The following NPAS3 variants were observed in gnomAD, a reference collection of about 807,000 sequenced individuals.
NPAS3 encodes neuronal PAS domain protein 3.
A neutral mutation model predicts 73.1 loss-of-function variants in NPAS3; 14 were observed. The ratio of observed to expected loss-of-function variants is 0.19; its 90% confidence interval spans 0.13 to 0.30. The LOEUF is 0.30. Ranked by LOEUF, NPAS3 falls within the 10% of genes least tolerant of loss-of-function variation. NPAS3 has a pLI of 1.00. For synonymous variants in NPAS3, 620 were observed against 541.5 expected, an observed-to-expected ratio of 1.14 and a Z score of -2.01; for missense variants, 1,096 against 1,250.0, an observed-to-expected ratio of 0.88 and a Z score of 1.86.
chr14:33,125,257 G>A (rs1041502445), intron 2 of NPAS3, among the ~76,000 whole-genome samples: 29 of 152,076 alleles, frequency 1.9e-4, no homozygotes, highest in African/African-American at 6.3e-4. Context: ...AGCACTAGAA[G>A]GAAGTAGGTC....
At chr14:33,303,447 A>C (rs1370844817) in intron 3 of NPAS3, among the ~76,000 whole-genome samples, 2 of 152,158 alleles carry the variant, frequency 1.3e-5, no homozygotes, top group African/African-American at 4.8e-5. Flanking sequence ...AAAAAAATCA[A>C]AGTTCAGCCA....
At chr14:33,431,140 C>G (rs1379783259) in intron 4 of NPAS3, among the ~76,000 whole-genome samples, 1 of 152,096 alleles carries the variant, frequency 6.6e-6, no homozygotes, top group East Asian at 1.9e-4. Context: ...GAGATGATAC[C>G]GTGTTGGTTG....
intron 5 of NPAS3, among the ~76,000 whole-genome samples, chr14:33,624,760 G>A (rs1410155168): frequency 6.6e-6 from 1 of 152,130 alleles, no homozygotes; most frequent in Non-Finnish European, 1.5e-5. Flanking sequence ...AAAGCAGTCA[G>A]AGCAGCAAAG....
chr14:33,412,327 C>T (rs558874636), intron 4 of NPAS3, among the ~76,000 whole-genome samples: 1 of 152,148 alleles, frequency 6.6e-6, no homozygotes, highest in African/African-American at 2.4e-5. Flanking sequence ...ACCATGTTGC[C>T]CAGGCTGGTC....
At chr14:33,181,049 G>A (rs2045780830) in intron 2 of NPAS3, among the ~76,000 whole-genome samples, 1 of 152,106 alleles carries the variant, frequency 6.6e-6, no homozygotes. Context: ...TGATGTTACT[G>A]CTTCAATTTT....
At chr14:33,722,399 A>G (rs1296188122) in intron 6 of NPAS3, among the ~76,000 whole-genome samples, 2 of 152,220 alleles carry the variant, frequency 1.3e-5, no homozygotes, top group East Asian at 1.9e-4. Context: ...TGCAAGCTAT[A>G]TAAATGGATT....
At chr14:33,476,575 C>A (rs56311531) in intron 4 of NPAS3, among the ~76,000 whole-genome samples, 24,813 of 152,128 alleles carry the variant, frequency 0.16, 2,380 homozygotes, top group African/African-American at 0.27. Flanking sequence ...ATTTAGTATT[C>A]CCCAATTTAA....
At chr14:33,789,583 CTTTTTTT>C (rs10567527) in intron 9 of NPAS3, among the ~76,000 whole-genome samples, 58 of 92,412 alleles carry the variant, frequency 6.3e-4, no homozygotes, top group African/African-American at 1.9e-3. Context: ...TAGAGTACAA[CTTTTTTT>C]TTTTTTTTTT....
At chr14:33,554,700 C>T (rs968253527) in intron 4 of NPAS3, among the ~76,000 whole-genome samples, 2 of 152,188 alleles carry the variant, frequency 1.3e-5, no homozygotes, top group Non-Finnish European at 2.9e-5. Flanking sequence ...AGAGTGCTTA[C>T]ATACTCAAAA....
chr14:33,665,701 T>A (rs2059433287), intron 5 of NPAS3, among the ~76,000 whole-genome samples: 1 of 152,218 alleles, frequency 6.6e-6, no homozygotes, highest in Non-Finnish European at 1.5e-5. Context: ...AAGTTGACAT[T>A]CAAACCCACT....
chr14:33,246,867 A>T (rs1027089730), intron 3 of NPAS3, among the ~76,000 whole-genome samples: 1 of 134,366 alleles, frequency 7.4e-6, no homozygotes, highest in Non-Finnish European at 1.6e-5. Flanking sequence ...AAAAAAAAAA[A>T]GCTGGGCATG....
At chr14:33,370,195 G>T (rs1444876727) in intron 4 of NPAS3, among the ~76,000 whole-genome samples, 1 of 152,178 alleles carries the variant, frequency 6.6e-6, no homozygotes, top group African/African-American at 2.4e-5. Context: ...TTCAGGGAAA[G>T]AGGAACTAGG....
chr14:33,066,002 C>T (rs2041265460), intron 2 of NPAS3, among the ~76,000 whole-genome samples: 1 of 152,034 alleles, frequency 6.6e-6, no homozygotes, highest in South Asian at 2.1e-4. Context: ...ACAAAGCATC[C>T]TGTCCTGTGT....
intron 4 of NPAS3, among the ~76,000 whole-genome samples, chr14:33,439,360 A>C (rs1014892232): frequency 3.3e-5 from 5 of 152,204 alleles, no homozygotes; most frequent in African/African-American, 1.2e-4. Flanking sequence ...CAGTTGCATG[A>C]GTGGTTATAC....
chr14:33,103,778 G>T (rs555606838), intron 2 of NPAS3, among the ~76,000 whole-genome samples: 1 of 152,094 alleles, frequency 6.6e-6, no homozygotes, highest in Admixed American at 6.6e-5. Flanking sequence ...GACTTTGTCC[G>T]GAGATTGTGT....
chr14:33,581,149 G>A (rs1247317263), intron 5 of NPAS3, among the ~76,000 whole-genome samples: 3 of 152,188 alleles, frequency 2.0e-5, no homozygotes, highest in South Asian at 2.1e-4. Flanking sequence ...GAACACAAGC[G>A]AAAACATGTA....
At chr14:33,700,116 T>C (rs1270077962) in intron 6 of NPAS3, among the ~76,000 whole-genome samples, 1 of 152,148 alleles carries the variant, frequency 6.6e-6, no homozygotes, top group African/African-American at 2.4e-5. Flanking sequence ...TAATAGTCTT[T>C]GTAGGATGGC....
chr14:33,132,416 A>G (rs2043673816), intron 2 of NPAS3, among the ~76,000 whole-genome samples: 1 of 152,162 alleles, frequency 6.6e-6, no homozygotes. Context: ...GGAAGAGACT[A>G]GAAGTCTTAT....
At chr14:33,625,509 C>T (rs181826309) in intron 5 of NPAS3, among the ~76,000 whole-genome samples, 1 of 152,290 alleles carries the variant, frequency 6.6e-6, no homozygotes, top group Non-Finnish European at 1.5e-5. Flanking sequence ...AAATTCTCCA[C>T]ACTAGCTTGT....
Sources: allele counts gnomAD v4.1 joint callset (sites outside exome capture counted in the v4.1 genomes callset), GRCh38; gene constraint gnomAD v4.1.1; transcripts MANE v1.5; gene names NCBI Gene and HGNC (gene_info 2026-07-23, HGNC 2026-07-21).